MRTFB: variants seen among roughly 807,000 people sequenced by gnomAD.
The protein encoded by MRTFB is myocardin-related transcription factor B.
In MRTFB, 29 loss-of-function variants were observed where a neutral mutation model predicts 104.2. The observed-to-expected ratio is 0.28, with a 90% CI of 0.21 to 0.38. MRTFB has a LOEUF of 0.38. MRTFB is among the 10% of genes least tolerant of loss of function. The pLI, the probability that MRTFB is intolerant of heterozygous loss-of-function variation, is 1.00. For synonymous variants in MRTFB, 535 were observed against 519.5 expected, an observed-to-expected ratio of 1.03 and a Z score of -0.41; for missense variants, 1,270 against 1,341.6, an observed-to-expected ratio of 0.95 and a Z score of 0.83.
upstream of MRTFB, among the ~76,000 whole-genome samples, chr16:14,070,703 C>G (rs2033630100): frequency 1.3e-5 from 2 of 152,258 alleles, no homozygotes; most frequent in African/African-American, 4.8e-5. Context: ...AGAATGAAGA[C>G]TGCGGCTGAG....
At chr16:14,140,836 G>A (rs1300903208) in intron 3 of MRTFB, 76 bp downstream of exon 3, 1 of 1,578,508 alleles carries the variant, frequency 6.3e-7, no homozygotes, top group African/African-American at 1.3e-5. Flanking sequence ...TTCCTGTTTG[G>A]TAGTAATATT....
chr16:14,077,850 G>A, intron 1 of MRTFB, among the ~76,000 whole-genome samples: 1 of 152,048 alleles, frequency 6.6e-6, no homozygotes, highest in Non-Finnish European at 1.5e-5. Context: ...AAGAAAAAAA[G>A]AAAGGACCCA....
chr16:14,109,850 A>G (rs1452006955), intron 2 of MRTFB, among the ~76,000 whole-genome samples: 2 of 152,228 alleles, frequency 1.3e-5, no homozygotes, highest in African/African-American at 4.8e-5. Context: ...GTAGAGTACT[A>G]TGAGCTGACA....
In MRTFB at chr16:14,251,947, A is replaced by T. The variant is rs535824010; in HGVS notation, c.2489A>T (p.Lys830Met). The T allele has an allele frequency of 1.2e-6, 2 of 1,614,210 alleles. No individual in the cohort carries two copies. Among genetic ancestry groups the T allele is most frequent in the African/African-American group, 2.7e-5 (2 of 75,060 alleles). Residue 830 changes from lysine (K) to methionine (M), a missense_variant, in exon 14 of 17, where the codon AAG becomes ATG. Physicochemically the swap from Lys to Met is moderately conservative, Grantham distance 95 (BLOSUM62 -1). This residue lies in a region of MRTFB where 1,144 missense variants were observed against 1,131.5 expected (regional missense o/e 1.01). Coordinates refer to ENST00000571589, the MANE Select transcript of MRTFB (RefSeq NM_001308142.2). ...GCTGTCCAGCAGCCCTTTATCAATAAGGCCTCCAACAGTGTTCTTCAATCC... is the reference window on the plus strand; with the variant it reads ...GCTGTCCAGCAGCCCTTTATCAATATGGCCTCCAACAGTGTTCTTCAATCC... ...APAVQQPFIN[K>M]ASNSVLQSRN...
intron 2 of MRTFB, among the ~76,000 whole-genome samples, chr16:14,118,282 A>G (rs917807576): frequency 3.3e-5 from 5 of 151,738 alleles, no homozygotes; most frequent in Non-Finnish European, 5.9e-5. Context: ...GACTACAGGC[A>G]CACGCCACCA....
chr16:14,081,635 A>G (rs1167319052), intron 2 of MRTFB, among the ~76,000 whole-genome samples: 1 of 150,220 alleles, frequency 6.7e-6, no homozygotes, highest in African/African-American at 2.5e-5. Flanking sequence ...GCTAGAGTGC[A>G]GTGGTGCAAT....
chr16:14,137,749 C>T lies in MRTFB; in HGVS notation c.-63-2795C>T, dbSNP rs530678251. On this transcript the variant is annotated intron_variant, in intron 2 of 16. Transcript: ENST00000571589. ...TCTTGGAATTCCTGTTTGCATGACC[C>T]GTCTTTTTTCTATCCATTTTCCACC... Among the ~76,000 whole-genome samples the T allele has an allele frequency of 5.9e-5, 9 of 152,040 alleles. No homozygotes were observed. The South Asian group carries it at 1.7e-3, about 28-fold the overall frequency.
At chr16:14,079,145 C>A in intron 1 of MRTFB, 145 bp from the exon 2 acceptor site, 77 of 211,846 alleles carry the variant, frequency 3.6e-4, no homozygotes, top group Middle Eastern at 1.7e-3. Flanking sequence ...CAAATTTTTA[C>A]TTTCCTTCCT....
chr16:14,248,724 G>T (rs1318931678), intron 12 of MRTFB: 2 of 517,532 alleles, frequency 3.9e-6, no homozygotes, highest in African/African-American at 2.0e-5. Flanking sequence ...ATAAGAGCAT[G>T]CAGTGACTGG....
At chr16:14,074,656 A>G (rs1332511461) in intron 1 of MRTFB, among the ~76,000 whole-genome samples, 1 of 152,212 alleles carries the variant, frequency 6.6e-6, no homozygotes, top group East Asian at 1.9e-4. Context: ...AATAGGGAAT[A>G]TGTAAAAATT....
chr16:14,247,178 G>A lies in MRTFB; in HGVS notation c.1918G>A (p.Asp640Asn). Residue 640 changes from aspartate to asparagine, a missense_variant, in exon 12 of 17, where the codon GAT (aspartate) becomes AAT (asparagine). This residue lies in a region of MRTFB where 1,144 missense variants were observed against 1,131.5 expected (regional missense o/e 1.01). Coordinates refer to ENST00000571589, the MANE Select transcript of MRTFB (RefSeq NM_001308142.2). ...KHGSLGSSIK[D>N]EASLPDCSSS... ...CGGCAGCCTTGGCTCCTCCATCAAAGATGAGGCCTCACTCCCTGACTGCTC... is the reference window on the plus strand; with the variant it reads ...CGGCAGCCTTGGCTCCTCCATCAAAAATGAGGCCTCACTCCCTGACTGCTC... 6.2e-7 allele frequency: 1 copy of A among 1,614,154 alleles called. No individual in the cohort carries two copies. The highest frequency in any genetic ancestry group is 8.5e-7 in the Non-Finnish European group (1 of 1,180,048).
intron 15 of MRTFB, among the ~76,000 whole-genome samples, chr16:14,255,249 T>C (rs144966731): frequency 7.9e-5 from 12 of 152,312 alleles, no homozygotes; most frequent in Middle Eastern, 3.4e-3. Context: ...GAAGAAACAA[T>C]GGCTGACATG....
At chr16:14,246,349 C>A in intron 11 of MRTFB, 124 bp from the exon 12 acceptor site, 1 of 876,030 alleles carries the variant, frequency 1.1e-6, no homozygotes, top group Non-Finnish European at 1.7e-6. Flanking sequence ...ACCAGTTCTA[C>A]TTTCAGGTGT....
At chr16:14,187,145 T>G in intron 3 of MRTFB, 1 of 841,936 alleles carries the variant, frequency 1.2e-6, no homozygotes, top group East Asian at 2.7e-5. Flanking sequence ...TGTTCACTCA[T>G]GTACCTTACA....
At chr16:14,069,641 T>C (rs1010789141), upstream of MRTFB, among the ~76,000 whole-genome samples, 1 of 152,178 alleles carries the variant, frequency 6.6e-6, no homozygotes, top group African/African-American at 2.4e-5. Context: ...TGTGCCACCA[T>C]GCCCAATTCT....
intron 3 of MRTFB, among the ~76,000 whole-genome samples, chr16:14,201,560 A>C (rs1370160878): frequency 6.6e-6 from 1 of 152,152 alleles, no homozygotes; most frequent in African/African-American, 2.4e-5. Flanking sequence ...ATAAAATTTT[A>C]TTTTTATTTG....
At chr16:14,023,608 CACAT>C in the MRTFB span, among the ~76,000 whole-genome samples, 453 of 70,128 alleles carry the variant, frequency 6.5e-3, 2 homozygotes, top group African/African-American at 0.019. Context: ...CACACACACA[CACAT>C]ACATATACAT....
At chr16:14,201,179 A>G (rs1358237289) in intron 3 of MRTFB, among the ~76,000 whole-genome samples, 1 of 152,232 alleles carries the variant, frequency 6.6e-6, no homozygotes, top group Non-Finnish European at 1.5e-5. Context: ...ATATGTTGGC[A>G]CTAGAAACAT....
chr16:14,134,923 A>G (rs2037631555), intron 2 of MRTFB, among the ~76,000 whole-genome samples: 1 of 152,254 alleles, frequency 6.6e-6, no homozygotes, highest in Non-Finnish European at 1.5e-5. Flanking sequence ...GAGAGGGGTC[A>G]TTAAGGCAAA....
Sources: allele counts gnomAD v4.1 joint callset (sites outside exome capture counted in the v4.1 genomes callset), GRCh38; gene constraint gnomAD v4.1.1; regional missense constraint gnomAD v4.1.1; transcripts MANE v1.5; gene names NCBI Gene and HGNC (gene_info 2026-07-23, HGNC 2026-07-21).